RBFOX1: variants seen among roughly 807,000 people sequenced by gnomAD.
The protein encoded by RBFOX1 is RNA binding protein fox-1 homolog 1.
Under a neutral mutation model 57.7 loss-of-function variants are expected in RBFOX1, and 8 were observed. The ratio of observed to expected loss-of-function variants is 0.14; its 90% CI spans 0.08 to 0.25. The LOEUF (loss-of-function observed/expected upper bound fraction) is 0.25. Among genes scored for constraint, RBFOX1 ranks in the 10% least tolerant of loss-of-function variants. The pLI is 1.00. For missense variants in RBFOX1, 611 were observed against 548.5 expected (o/e 1.11, Z -1.14); for synonymous variants, 326 against 222.4 (o/e 1.47, Z -4.15).
chr16:5,743,802 C>G (rs572593575), intron 3 of RBFOX1, among the ~76,000 whole-genome samples: 1 of 152,174 alleles, frequency 6.6e-6, no homozygotes, highest in Admixed American at 6.5e-5. Flanking sequence ...CTCACCCTCC[C>G]AAAGTGCTGG....
intron 4 of RBFOX1, among the ~76,000 whole-genome samples, chr16:5,949,542 AAAAG>A (rs200447319): frequency 0.38 from 40,606 of 106,372 alleles, 6,597 homozygotes; most frequent in African/African-American, 0.54. Context: ...AAAAAAAAAA[AAAAG>A]AAAAGAATAC....
At chr16:7,555,193 C>G (rs1350593764) in intron 5 of RBFOX1, among the ~76,000 whole-genome samples, 2 of 152,290 alleles carry the variant, frequency 1.3e-5, no homozygotes, top group South Asian at 2.1e-4. Context: ...ATTCAGAAAT[C>G]TTGCTGAAAC....
At chr16:7,669,010 C>A (rs1327213669) in intron 13 of RBFOX1, among the ~76,000 whole-genome samples, 1 of 152,164 alleles carries the variant, frequency 6.6e-6, no homozygotes, top group Non-Finnish European at 1.5e-5. Flanking sequence ...GTTCAAGGGA[C>A]TCTTCAACCT....
chr16:5,757,413 G>T (rs868547240), intron 3 of RBFOX1, among the ~76,000 whole-genome samples: 11 of 151,858 alleles, frequency 7.2e-5, no homozygotes, highest in South Asian at 2.1e-4. Context: ...TGTATTTTTA[G>T]TAGAGACGGG....
intron 4 of RBFOX1, among the ~76,000 whole-genome samples, chr16:7,065,160 G>C (rs910744292): frequency 1.3e-5 from 2 of 152,232 alleles, no homozygotes; most frequent in African/African-American, 4.8e-5. Flanking sequence ...ACCTAAATGA[G>C]CAAGCAACTG....
At chr16:7,540,994 G>A (rs1601352314) in intron 5 of RBFOX1, among the ~76,000 whole-genome samples, 1 of 152,158 alleles carries the variant, frequency 6.6e-6, no homozygotes, top group South Asian at 2.1e-4. Flanking sequence ...CTCTCTCAGA[G>A]GTTCAAGTGA....
At chr16:6,928,825 A>G (rs1403059664) in intron 3 of RBFOX1, among the ~76,000 whole-genome samples, 1 of 152,176 alleles carries the variant, frequency 6.6e-6, no homozygotes, top group East Asian at 1.9e-4. Context: ...GAACAGTAAC[A>G]CACACAAAAA....
intron 1 of RBFOX1, among the ~76,000 whole-genome samples, chr16:5,365,318 T>C (rs977667723): frequency 6.6e-6 from 1 of 152,022 alleles, no homozygotes; most frequent in Non-Finnish European, 1.5e-5. Context: ...CAGCCACACA[T>C]CTCCTCCCTG....
intron 3 of RBFOX1, among the ~76,000 whole-genome samples, chr16:6,886,773 CAAAACAAAACAAA>C (rs2064140381): frequency 3.8e-5 from 5 of 130,320 alleles, no homozygotes; most frequent in Non-Finnish European, 8.2e-5. Context: ...AAAAACAAAA[CAAAACAAAACAAA>C]AAAAAAACCA....
At chr16:5,628,172 C>G (rs1334813670) in intron 3 of RBFOX1, among the ~76,000 whole-genome samples, 1 of 152,072 alleles carries the variant, frequency 6.6e-6, no homozygotes, top group African/African-American at 2.4e-5. Context: ...TGGGTAGATA[C>G]CCTTATATCA....
intron 4 of RBFOX1, among the ~76,000 whole-genome samples, chr16:5,919,749 C>A (rs1460535574): frequency 3.9e-5 from 6 of 152,150 alleles, no homozygotes; most frequent in Non-Finnish European, 7.3e-5. Flanking sequence ...CAAAGGAAAC[C>A]CCATACCCGT....
At chr16:6,269,489 G>C (rs957429085) in intron 1 of RBFOX1, among the ~76,000 whole-genome samples, 1 of 152,110 alleles carries the variant, frequency 6.6e-6, no homozygotes, top group Non-Finnish European at 1.5e-5. Flanking sequence ...TGGAAGTAAC[G>C]AGAGTAAAAT....
At chr16:5,896,512 G>A (rs1287414938) in intron 4 of RBFOX1, among the ~76,000 whole-genome samples, 3 of 152,190 alleles carry the variant, frequency 2.0e-5, no homozygotes, top group African/African-American at 7.2e-5. Flanking sequence ...TCCAACATGA[G>A]TGGAAGCAGC....
intron 12 of RBFOX1, among the ~76,000 whole-genome samples, chr16:7,659,996 C>T (rs1018064814): frequency 3.9e-5 from 6 of 152,108 alleles, no homozygotes; most frequent in South Asian, 2.1e-4. Context: ...TAAAAAATAG[C>T]GGTATTTGAA....
chr16:7,358,079 T>G (rs1344927980), intron 4 of RBFOX1, among the ~76,000 whole-genome samples: 1 of 152,222 alleles, frequency 6.6e-6, no homozygotes, highest in Non-Finnish European at 1.5e-5. Flanking sequence ...AATAGGCTGA[T>G]CTTCGATAGG....
At chr16:7,663,745 C>T (rs1480172567) in intron 12 of RBFOX1, among the ~76,000 whole-genome samples, 1 of 152,102 alleles carries the variant, frequency 6.6e-6, no homozygotes, top group Non-Finnish European at 1.5e-5. Context: ...TAACTATGAT[C>T]CTTTTAAAAA....
chr16:7,380,613 C>G (rs1014736323), intron 4 of RBFOX1, among the ~76,000 whole-genome samples: 1 of 152,218 alleles, frequency 6.6e-6, no homozygotes, highest in Non-Finnish European at 1.5e-5. Context: ...CTCTGGTCTG[C>G]TTTCAATTCA....
intron 14 of RBFOX1, among the ~76,000 whole-genome samples, chr16:7,686,972 C>T (rs1039509814): frequency 2.0e-5 from 3 of 152,002 alleles, no homozygotes; most frequent in Non-Finnish European, 2.9e-5. Context: ...ATTCACAGAC[C>T]TTATCTTCTT....
intron 4 of RBFOX1, among the ~76,000 whole-genome samples, chr16:7,323,093 G>C (rs749301426): frequency 6.6e-6 from 1 of 152,140 alleles, no homozygotes; most frequent in Non-Finnish European, 1.5e-5. Context: ...GGGGTGGAGA[G>C]TAAAGGAGAT....
Sources: gnomAD v4.1 joint callset for allele counts (sites outside exome capture counted in the v4.1 genomes callset) on GRCh38, gnomAD v4.1.1 for gene constraint, MANE v1.5 for transcripts, NCBI Gene and HGNC (gene_info 2026-07-23, HGNC 2026-07-21) for gene names.